Variants in EFCAB5 observed in about 807,000 individuals in gnomAD.
EFCAB5 encodes the protein EF-hand calcium binding domain 5.
A neutral mutation model predicts 167.9 loss-of-function variants in EFCAB5; 131 were observed. The ratio of observed to expected loss-of-function variants is 0.78; its 90% CI spans 0.68 to 0.90. The LOEUF (loss-of-function observed/expected upper bound fraction) is 0.90, where lower values mean the gene tolerates loss of function less well. Among genes scored for constraint, EFCAB5 ranks in the 40% least tolerant of loss-of-function variants. The pLI is 0.00. For synonymous variants in EFCAB5, 574 were observed against 602.8 expected (o/e 0.95, Z 0.70); for missense variants, 1,663 against 1,745.2 (o/e 0.95, Z 0.84).
chr17:29,984,428 T>A (rs1437127745), intron 4 of EFCAB5, among the ~76,000 whole-genome samples: 2 of 151,922 alleles, frequency 1.3e-5, no homozygotes, highest in African/African-American at 4.8e-5. Context: ...TCCTTTAAAA[T>A]ACTCATTAAG....
At chr17:29,963,294 A>G (rs78993463) in intron 3 of EFCAB5, among the ~76,000 whole-genome samples, 3 of 152,292 alleles carry the variant, frequency 2.0e-5, no homozygotes, top group African/African-American at 4.8e-5. Flanking sequence ...TGTTCTCTCC[A>G]TATGCATTGA....
Position 30,053,824 on chromosome 17 carries a change from G to T in EFCAB5, c.1870G>T (p.Ala624Ser), listed in dbSNP as rs1194252944. 2 of 1,613,944 alleles carry T rather than the reference G, an allele frequency of 1.2e-6. No homozygotes were observed. Among genetic ancestry groups the T allele is most frequent in the Non-Finnish European group, 1.7e-6 (2 of 1,179,864 alleles). ...ACAAGATCGACACAAAGGGTCAGTA[G>T]CAGAACAAGGATCACGCAGAATGTC... ...AEQDRHKGSV[A>S]EQGSRRMSAA... is the part of the protein sequence containing the mutation. Residue 624 changes from alanine to serine, a missense_variant, in exon 10 of 23, where the codon GCA (alanine) becomes TCA (serine). Transcript: ENST00000394835.
intron 1 of EFCAB5, among the ~76,000 whole-genome samples, chr17:29,934,311 C>T (rs1866277213): frequency 6.6e-6 from 1 of 152,116 alleles, no homozygotes; most frequent in Non-Finnish European, 1.5e-5. Flanking sequence ...GATAATATAT[C>T]CACATTATCA....
intron 3 of EFCAB5, among the ~76,000 whole-genome samples, chr17:29,956,925 T>C (rs1199114076): frequency 1.3e-5 from 2 of 152,162 alleles, no homozygotes; most frequent in East Asian, 3.8e-4. Flanking sequence ...TTTCTTTCCA[T>C]TTTGGATGCA....
At chr17:30,089,235 A>G (rs1420933721) in intron 19 of EFCAB5, among the ~76,000 whole-genome samples, 1 of 152,144 alleles carries the variant, frequency 6.6e-6, no homozygotes, top group African/African-American at 2.4e-5. Context: ...CTTTGGAGGA[A>G]GTCAGTTGAC....
intron 7 of EFCAB5, among the ~76,000 whole-genome samples, chr17:30,018,489 C>G (rs930850355): frequency 5.3e-5 from 8 of 151,628 alleles, no homozygotes; most frequent in African/African-American, 1.2e-4. Flanking sequence ...GGAACATTTT[C>G]TCATGTCTTT....
At chr17:30,024,674 A>C (rs1250510398) in intron 7 of EFCAB5, among the ~76,000 whole-genome samples, 1 of 151,804 alleles carries the variant, frequency 6.6e-6, no homozygotes, top group African/African-American at 2.4e-5. Flanking sequence ...ACAGAATTGG[A>C]AAAAACTACT....
intron 2 of EFCAB5, among the ~76,000 whole-genome samples, 176 bp downstream of exon 2, chr17:29,942,478 C>A (rs533072180): frequency 1.2e-4 from 19 of 152,272 alleles, no homozygotes; most frequent in African/African-American, 1.9e-4. Context: ...TTGCAGGAAA[C>A]TTCCATGGAC....
chr17:30,092,712 C>T (rs2071225881), intron 21 of EFCAB5, 128 bp from the exon 22 acceptor site: 1 of 606,034 alleles, frequency 1.7e-6, no homozygotes, highest in African/African-American at 1.9e-5. Flanking sequence ...ATCTTCACTT[C>T]TAACACCATT....
chr17:29,935,666 T>G, intron 1 of EFCAB5, among the ~76,000 whole-genome samples: 1 of 149,782 alleles, frequency 6.7e-6, no homozygotes, highest in Non-Finnish European at 1.5e-5. Context: ...AAGAGAAATC[T>G]GAGGTATCAC....
chr17:30,052,048 C>T (rs2070114158), intron 9 of EFCAB5, among the ~76,000 whole-genome samples: 1 of 152,014 alleles, frequency 6.6e-6, no homozygotes, highest in South Asian at 2.1e-4. Context: ...AACTCCTGGG[C>T]TCCAGCAATC....
At chr17:30,064,918 T>C (rs1361043540) in intron 14 of EFCAB5, among the ~76,000 whole-genome samples, 1 of 152,066 alleles carries the variant, frequency 6.6e-6, no homozygotes, top group African/African-American at 2.4e-5. Context: ...ATATTCAAAG[T>C]GCTGAAAGAA....
At chr17:29,957,073 A>G (rs1027355405) in intron 3 of EFCAB5, among the ~76,000 whole-genome samples, 1 of 152,136 alleles carries the variant, frequency 6.6e-6, no homozygotes, top group Non-Finnish European at 1.5e-5. Context: ...TCAGTGTGAT[A>G]CTAGCTGTGG....
At chr17:30,016,946 G>A (rs1208762244) in intron 7 of EFCAB5, among the ~76,000 whole-genome samples, 1 of 152,090 alleles carries the variant, frequency 6.6e-6, no homozygotes, top group Admixed American at 6.6e-5. Context: ...GGAGGCTTAG[G>A]TGGGAGGATC....
chr17:30,012,320 G>C (rs952054669), intron 7 of EFCAB5, among the ~76,000 whole-genome samples: 1 of 152,192 alleles, frequency 6.6e-6, no homozygotes, highest in African/African-American at 2.4e-5. Context: ...AGGCCTAACT[G>C]TCTCCCTGTG....
intron 8 of EFCAB5, among the ~76,000 whole-genome samples, chr17:30,040,011 A>G (rs2069726650): frequency 6.6e-6 from 1 of 152,194 alleles, no homozygotes; most frequent in Non-Finnish European, 1.5e-5. Context: ...GCTTGGTTAG[A>G]ATGTATTAAA....
intron 19 of EFCAB5, among the ~76,000 whole-genome samples, chr17:30,087,905 C>T (rs1019069286): frequency 1.3e-5 from 2 of 152,152 alleles, no homozygotes; most frequent in Non-Finnish European, 2.9e-5. Flanking sequence ...TTTGCATTCC[C>T]GCCAGCAGTG....
At chr17:30,039,951 G>A (rs1363221563) in intron 8 of EFCAB5, among the ~76,000 whole-genome samples, 1 of 152,140 alleles carries the variant, frequency 6.6e-6, no homozygotes, top group South Asian at 2.1e-4. Flanking sequence ...GTAGAAATAG[G>A]AGACCTAAGG....
chr17:30,025,785 A>T (rs984383480), intron 7 of EFCAB5, among the ~76,000 whole-genome samples: 2 of 152,200 alleles, frequency 1.3e-5, no homozygotes, highest in African/African-American at 4.8e-5. Flanking sequence ...TCCAACAATG[A>T]TAGACTGGAT....
Sources: gnomAD v4.1 joint callset for allele counts (sites outside exome capture counted in the v4.1 genomes callset) on GRCh38, gnomAD v4.1.1 for gene constraint, MANE v1.5 for transcripts, NCBI Gene and HGNC (gene_info 2026-07-23, HGNC 2026-07-21) for gene names.